The following NFIB variants were observed in gnomAD, a reference collection of about 807,000 sequenced individuals.
The protein encoded by NFIB is nuclear factor 1 B-type.
Under a neutral mutation model 61.5 loss-of-function variants are expected in NFIB, and 11 were observed. That is an observed-to-expected ratio of 0.18 (90% confidence interval 0.11 to 0.30). The LOEUF (loss-of-function observed/expected upper bound fraction) is 0.30. Among genes scored for constraint, NFIB ranks in the 10% least tolerant of loss-of-function variants. The pLI is 1.00. For missense variants in NFIB, 471 were observed against 608.9 expected (o/e 0.77, Z 2.38); for synonymous variants, 260 against 216.5 (o/e 1.20, Z -1.76).
At chr9:14,410,321 C>T in the NFIB span, among the ~76,000 whole-genome samples, 1 of 152,124 alleles carries the variant, frequency 6.6e-6, no homozygotes, top group East Asian at 1.9e-4. Context: ...ATATTTTGCC[C>T]CACTGTAGCC....
At chr9:14,456,368 G>A in the NFIB span, among the ~76,000 whole-genome samples, 1 of 151,850 alleles carries the variant, frequency 6.6e-6, no homozygotes, top group Non-Finnish European at 1.5e-5. Flanking sequence ...AAGTTTTTCT[G>A]GAAGGCAAAA....
chr9:14,479,058 T>A, the NFIB span, among the ~76,000 whole-genome samples: 1 of 152,180 alleles, frequency 6.6e-6, no homozygotes, highest in South Asian at 2.1e-4. Context: ...TTGTAAACAC[T>A]GCCACCTAAA....
chr9:14,359,706 C>CA (rs2061216580), intron 1 of NFIB, among the ~76,000 whole-genome samples: 1 of 152,142 alleles, frequency 6.6e-6, no homozygotes, highest in South Asian at 2.1e-4. Flanking sequence ...GCATGTGATA[C>CA]AAGCTAGGGC....
chr9:14,485,211 C>A, the NFIB span, among the ~76,000 whole-genome samples: 39 of 152,240 alleles, frequency 2.6e-4, no homozygotes, highest in African/African-American at 8.9e-4. Flanking sequence ...ATAACAGAAA[C>A]CTCATGACAT....
At chr9:14,332,343 A>AC (rs1233916058) in intron 1 of NFIB, among the ~76,000 whole-genome samples, 3 of 151,400 alleles carry the variant, frequency 2.0e-5, no homozygotes, top group Non-Finnish European at 4.4e-5. Flanking sequence ...AAAAAAAAAA[A>AC]AAAAAAACAC....
intron 2 of NFIB, among the ~76,000 whole-genome samples, chr9:14,263,314 G>A (rs2056944443): frequency 1.3e-5 from 2 of 151,190 alleles, no homozygotes; most frequent in Non-Finnish European, 2.9e-5. Context: ...CGAACTCAAG[G>A]ATGTTCATGA....
At chr9:14,180,845 C>T (rs954985356) in intron 2 of NFIB, 2 of 152,164 alleles carry the variant, frequency 1.3e-5, no homozygotes, top group Admixed American at 1.3e-4. Flanking sequence ...GATGGCTCAG[C>T]TCCAGCAGCC....
At chr9:14,442,047 G>A in the NFIB span, among the ~76,000 whole-genome samples, 51,984 of 151,990 alleles carry the variant, frequency 0.34, 9,916 homozygotes, top group Admixed American at 0.48. Flanking sequence ...AGAACCTTCG[G>A]TATGATTTTC....
At chr9:14,201,861 G>T (rs937562064) in intron 2 of NFIB, among the ~76,000 whole-genome samples, 62 of 151,762 alleles carry the variant, frequency 4.1e-4, no homozygotes, top group African/African-American at 1.5e-3. Flanking sequence ...TCAATATTCT[G>T]ATTGTGACAT....
chr9:14,376,796 G>C (rs893246301), intron 1 of NFIB, among the ~76,000 whole-genome samples: 1 of 151,954 alleles, frequency 6.6e-6, no homozygotes, highest in Non-Finnish European at 1.5e-5. Flanking sequence ...GGGATTACAG[G>C]CATGAGCCAC....
At chr9:14,377,819 C>T (rs566128720) in intron 1 of NFIB, among the ~76,000 whole-genome samples, 7 of 152,244 alleles carry the variant, frequency 4.6e-5, no homozygotes, top group Middle Eastern at 3.4e-3. Context: ...TGGGAAGAAG[C>T]GGAGGTGAAA....
intron 1 of NFIB, among the ~76,000 whole-genome samples, chr9:14,380,527 C>G (rs1191318667): frequency 6.6e-6 from 1 of 152,182 alleles, no homozygotes; most frequent in East Asian, 1.9e-4. Flanking sequence ...ACATAATCCT[C>G]CTAGAGTCAA....
chr9:14,254,582 G>A (rs1363063177), intron 2 of NFIB, among the ~76,000 whole-genome samples: 2 of 152,090 alleles, frequency 1.3e-5, no homozygotes, highest in African/African-American at 2.4e-5. Context: ...TTATTTTACA[G>A]TACTCCCGTG....
At chr9:14,096,192 A>G (rs1220223200) in intron 10 of NFIB, among the ~76,000 whole-genome samples, 1 of 152,152 alleles carries the variant, frequency 6.6e-6, no homozygotes, top group African/African-American at 2.4e-5. Flanking sequence ...CTTTACATAA[A>G]ACATATTCAA....
chr9:14,136,980 T>G (rs542740698), intron 6 of NFIB, among the ~76,000 whole-genome samples: 2 of 152,176 alleles, frequency 1.3e-5, no homozygotes, highest in Admixed American at 1.3e-4. Context: ...ATTCTGTCAA[T>G]GAAATTACTA....
chr9:14,179,200 T>C (rs1283696356), intron 3 of NFIB, among the ~76,000 whole-genome samples: 1 of 152,010 alleles, frequency 6.6e-6, no homozygotes. Flanking sequence ...TGGGATACCT[T>C]ATGCTAAAGA....
intron 1 of NFIB, among the ~76,000 whole-genome samples, chr9:14,365,804 G>C (rs1018483095): frequency 5.3e-5 from 8 of 152,156 alleles, no homozygotes; most frequent in Non-Finnish European, 2.9e-5. Context: ...GAGGGAGAGA[G>C]TATCAAGCGT....
chr9:14,366,351 C>T (rs559397198), intron 1 of NFIB, among the ~76,000 whole-genome samples: 19 of 152,294 alleles, frequency 1.2e-4, no homozygotes, highest in South Asian at 4.2e-4. Context: ...GTTATTTTTG[C>T]GCCTATGAAG....
At chr9:14,115,176 TA>T (rs796885573) in intron 9 of NFIB, among the ~76,000 whole-genome samples, 32 of 141,708 alleles carry the variant, frequency 2.3e-4, no homozygotes, top group Admixed American at 5.7e-4. Flanking sequence ...TCAGAAACCA[TA>T]AAAAAAAAAG....
Sources: gnomAD v4.1 joint callset for allele counts (sites outside exome capture counted in the v4.1 genomes callset) on GRCh38, gnomAD v4.1.1 for gene constraint, MANE v1.5 for transcripts, NCBI Gene and HGNC (gene_info 2026-07-23, HGNC 2026-07-21) for gene names.